PPP1R12B: variants seen among roughly 807,000 people sequenced by gnomAD.
The protein encoded by PPP1R12B is protein phosphatase 1 regulatory subunit 12B, also known as myosin phosphatase target subunit 2.
A neutral mutation model predicts 126.1 loss-of-function variants in PPP1R12B; 76 were observed. The ratio of observed to expected loss-of-function variants is 0.60; its 90% CI spans 0.50 to 0.73. The LOEUF (loss-of-function observed/expected upper bound fraction) is 0.73, where lower values mean the gene tolerates loss of function less well. PPP1R12B is among the 30% of genes least tolerant of loss of function. The probability of loss-of-function intolerance (pLI) is 0.00; values close to 1 mark genes in which losing one functional copy is unlikely to be tolerated. For missense variants in PPP1R12B, 1,052 were observed against 1,205.1 expected (o/e 0.87, Z 1.88); for synonymous variants, 356 against 434.7 (o/e 0.82, Z 2.25).
At chr1:202,578,687 G>A (rs143771808) in intron 23 of PPP1R12B, among the ~76,000 whole-genome samples, 13 of 152,288 alleles carry the variant, frequency 8.5e-5, no homozygotes, top group Middle Eastern at 3.4e-3. Context: ...ACTCAGTATC[G>A]CAAAGCTCAT....
At chr1:202,431,869 G>A (rs535466498) in intron 8 of PPP1R12B, among the ~76,000 whole-genome samples, 17 of 152,278 alleles carry the variant, frequency 1.1e-4, no homozygotes, top group Admixed American at 3.3e-4. Context: ...TGCTGGGTAC[G>A]GTGCCTTAGC....
intron 13 of PPP1R12B, among the ~76,000 whole-genome samples, chr1:202,458,791 T>G (rs1404145556): frequency 2.6e-5 from 4 of 152,226 alleles, no homozygotes; most frequent in Non-Finnish European, 5.9e-5. Context: ...TGGAAGCATT[T>G]TGACTCCTAC....
intron 13 of PPP1R12B, among the ~76,000 whole-genome samples, chr1:202,454,353 ATAAG>A (rs1238488258): frequency 3.9e-5 from 6 of 152,200 alleles, no homozygotes; most frequent in Non-Finnish European, 7.3e-5. Context: ...ATGGCACAAG[ATAAG>A]TAAGTAGGGA....
At chr1:202,524,361 C>CTTAT (rs372649213) in intron 18 of PPP1R12B, among the ~76,000 whole-genome samples, 6 of 152,182 alleles carry the variant, frequency 3.9e-5, no homozygotes, top group African/African-American at 9.6e-5. Context: ...GGAAGCCAAT[C>CTTAT]TTATTTATTT....
At chr1:202,357,413 T>C (rs542846561) in intron 1 of PPP1R12B, among the ~76,000 whole-genome samples, 2 of 152,314 alleles carry the variant, frequency 1.3e-5, no homozygotes, top group East Asian at 3.9e-4. Context: ...GGAGGTTATA[T>C]GAAGTTTTTT....
intron 13 of PPP1R12B, among the ~76,000 whole-genome samples, chr1:202,451,824 G>A (rs1329855763): frequency 2.6e-5 from 4 of 151,432 alleles, no homozygotes; most frequent in Non-Finnish European, 4.4e-5. Flanking sequence ...CCTCCCGGAC[G>A]GGGCAGCTGG....
intron 12 of PPP1R12B, among the ~76,000 whole-genome samples, chr1:202,444,242 A>G (rs1345543579): frequency 6.6e-6 from 1 of 152,190 alleles, no homozygotes; most frequent in East Asian, 1.9e-4. Context: ...TATGGCCCAT[A>G]TTAAAATACC....
intron 13 of PPP1R12B, among the ~76,000 whole-genome samples, chr1:202,455,612 A>G (rs1459639785): frequency 1.3e-5 from 2 of 152,216 alleles, no homozygotes; most frequent in African/African-American, 4.8e-5. Flanking sequence ...TTGTCCATTC[A>G]TAAGTCAATG....
At chr1:202,400,016 C>T (rs1216904591) in intron 1 of PPP1R12B, among the ~76,000 whole-genome samples, 1 of 151,698 alleles carries the variant, frequency 6.6e-6, no homozygotes, top group East Asian at 1.9e-4. Context: ...TCTCTCCCTC[C>T]CTCTCTGCTC....
intron 13 of PPP1R12B, among the ~76,000 whole-genome samples, chr1:202,460,425 T>C (rs997780740): frequency 6.6e-6 from 1 of 152,214 alleles, no homozygotes; most frequent in Admixed American, 6.5e-5. Context: ...ATCTTTGGAA[T>C]GTTCAAAATT....
chr1:202,540,156 C>G (rs564536061), intron 18 of PPP1R12B: 1 of 1,608,916 alleles, frequency 6.2e-7, no homozygotes, highest in South Asian at 1.1e-5. Flanking sequence ...TCTTTATATA[C>G]CCGAAGTAAA....
intron 12 of PPP1R12B, chr1:202,445,287 C>T: frequency 8.4e-7 from 1 of 1,185,126 alleles, no homozygotes; most frequent in South Asian, 4.4e-5. Context: ...TCTGAAAACA[C>T]ATATGAAATT....
intron 13 of PPP1R12B, among the ~76,000 whole-genome samples, chr1:202,469,917 G>C (rs1432119285): frequency 6.6e-6 from 1 of 152,158 alleles, no homozygotes; most frequent in Non-Finnish European, 1.5e-5. Flanking sequence ...GTATACGTAA[G>C]TGCTTTTTTA....
At chr1:202,450,883 A>T (rs995751095) in intron 13 of PPP1R12B, among the ~76,000 whole-genome samples, 1 of 152,016 alleles carries the variant, frequency 6.6e-6, no homozygotes, top group African/African-American at 2.4e-5. Context: ...TATTTTTTCT[A>T]TTTCTGTCAA....
At chr1:202,416,974 C>T (rs1195593871) in intron 2 of PPP1R12B, 57 bp downstream of exon 2, 25 of 1,523,172 alleles carry the variant, frequency 1.6e-5, no homozygotes, top group South Asian at 6.4e-5. Context: ...GCCTTCATTT[C>T]TCCTCTATTC....
intron 12 of PPP1R12B, among the ~76,000 whole-genome samples, chr1:202,443,573 A>G (rs1671888920): frequency 1.3e-5 from 2 of 152,256 alleles, no homozygotes; most frequent in Admixed American, 6.5e-5. Flanking sequence ...AAAGGGCTCA[A>G]CTTTGGAAGT....
chr1:202,402,070 G>T (rs1665928310), intron 1 of PPP1R12B, among the ~76,000 whole-genome samples: 1 of 152,198 alleles, frequency 6.6e-6, no homozygotes, highest in Non-Finnish European at 1.5e-5. Context: ...AGGAGACAGG[G>T]GGCGTTTCTC....
chr1:202,372,735 T>C (rs1042827413), intron 1 of PPP1R12B, among the ~76,000 whole-genome samples: 3 of 151,890 alleles, frequency 2.0e-5, no homozygotes, highest in African/African-American at 7.3e-5. Flanking sequence ...ATTGTGCTGC[T>C]GCACTTCAGC....
In PPP1R12B at chr1:202,427,203, C is replaced by A. The variant is rs761377705; in HGVS notation, c.846+19C>A. Reference sequence around the variant, plus strand: ...TAAACTGGTTAGTGAGCCTGAACCTCTAAAAGAACAACGAGATTGGTGGCT... The same window carrying A: ...TAAACTGGTTAGTGAGCCTGAACCTATAAAAGAACAACGAGATTGGTGGCT... On this transcript the variant is annotated intron_variant, in intron 5 of 23. Coordinates refer to ENST00000608999, the MANE Select transcript of PPP1R12B (RefSeq NM_002481.4). 31 of 1,611,548 alleles carry A rather than the reference C, an allele frequency of 1.9e-5. 1 individual carries two copies. In the South Asian group the frequency reaches 3.3e-4, roughly 17 times the overall value.
Sources: allele counts gnomAD v4.1 joint callset (sites outside exome capture counted in the v4.1 genomes callset), GRCh38; gene constraint gnomAD v4.1.1; transcripts MANE v1.5; gene names NCBI Gene and HGNC (gene_info 2026-07-23, HGNC 2026-07-21).